HORMAD2: variants seen among roughly 807,000 people sequenced by gnomAD.
HORMAD2 encodes HORMA domain-containing protein 2.
Under a neutral mutation model 38.8 loss-of-function variants are expected in HORMAD2, and 45 were observed. The ratio of observed to expected loss-of-function variants is 1.16; its 90% CI spans 0.91 to 1.49. HORMAD2 has a LOEUF of 1.49. Ranked by LOEUF, HORMAD2 falls within the 40% of genes most tolerant of loss-of-function variation. HORMAD2 has a pLI of 0.00. For missense variants in HORMAD2, 338 were observed against 367.0 expected (o/e 0.92, Z 0.65); for synonymous variants, 126 against 122.8 (o/e 1.03, Z -0.17).
chr22:30,178,349 A>G (rs2123755327), downstream of HORMAD2, among the ~76,000 whole-genome samples: 2 of 152,308 alleles, frequency 1.3e-5, no homozygotes, highest in East Asian at 3.9e-4. Context: ...TATCACTGCC[A>G]GTAGGTGGAC....
the HORMAD2 span, among the ~76,000 whole-genome samples, chr22:30,193,419 A>G: frequency 6.6e-6 from 1 of 152,184 alleles, no homozygotes; most frequent in Non-Finnish European, 1.5e-5. Context: ...GACAGAAACA[A>G]ACACCAGAAA....
intron 10 of HORMAD2, among the ~76,000 whole-genome samples, chr22:30,122,716 C>A (rs1449671297): frequency 1.3e-5 from 2 of 152,098 alleles, no homozygotes; most frequent in Non-Finnish European, 1.5e-5. Context: ...TGGGGAAAGT[C>A]AGGGGGTTGG....
At chr22:30,197,488 T>G in the HORMAD2 span, among the ~76,000 whole-genome samples, 1 of 151,840 alleles carries the variant, frequency 6.6e-6, no homozygotes, top group Admixed American at 6.6e-5. Flanking sequence ...CCTTGTGGGC[T>G]CCCCCACATC....
intron 5 of HORMAD2, among the ~76,000 whole-genome samples, chr22:30,109,688 A>G (rs1002922031): frequency 1.4e-4 from 22 of 152,160 alleles, no homozygotes; most frequent in Admixed American, 5.9e-4. Flanking sequence ...CTATCTCTAT[A>G]TGTTACTCTT....
intron 7 of HORMAD2, among the ~76,000 whole-genome samples, chr22:30,117,214 A>G (rs1922107166): frequency 6.6e-6 from 1 of 152,250 alleles, no homozygotes; most frequent in African/African-American, 2.4e-5. Flanking sequence ...GGCTTAAAGT[A>G]ACAGAAACAC....
chr22:30,078,637 A>AAAAAAAAAAAAAAAAAAAAAAAC (rs2068417510), upstream of HORMAD2, among the ~76,000 whole-genome samples: 1 of 148,456 alleles, frequency 6.7e-6, no homozygotes, highest in African/African-American at 2.5e-5. Context: ...AAAAAAAAAA[A>AAAAAAAAAAAAAAAAAAAAAAAC]TTAGATTGAG....
intron 10 of HORMAD2, among the ~76,000 whole-genome samples, chr22:30,171,494 A>G (rs930570446): frequency 3.9e-5 from 6 of 152,062 alleles, no homozygotes; most frequent in Admixed American, 3.3e-4. Context: ...TGCCAAATAT[A>G]TCTCTCAATT....
chr22:30,163,620 G>A (rs1895066814), intron 10 of HORMAD2, among the ~76,000 whole-genome samples: 1 of 151,806 alleles, frequency 6.6e-6, no homozygotes, highest in African/African-American at 2.4e-5. Flanking sequence ...TAGAGATGAA[G>A]TTTCTCCATG....
At position 30,119,030 on chromosome 22, in the gene HORMAD2, C is replaced by T. The variant is rs770447951; in HGVS notation, c.393C>T (p.Ala131=). The T allele has an allele frequency of 6.3e-7, 1 of 1,585,940 alleles. No homozygotes were observed. Among genetic ancestry groups the T allele is most frequent in the South Asian group, 1.2e-5 (1 of 86,948 alleles). The part of the protein sequence containing the change: ...QFKFKYTKEG[A]TMDFDSHSSS... ...AATTCAAATACACGAAAGAAGGAGC[C>T]ACTATGGATTTTGACAGGTAGAATC... is the stretch of plus-strand genomic sequence containing the variant. Residue 131 remains alanine (A), a synonymous_variant, in exon 8 of 11, where the codon GCC becomes GCT. Transcript: ENST00000336726.
chr22:30,086,284 C>T (rs2068570138), intron 1 of HORMAD2, among the ~76,000 whole-genome samples: 1 of 152,070 alleles, frequency 6.6e-6, no homozygotes, highest in Non-Finnish European at 1.5e-5. Context: ...TCATTTAAAC[C>T]CCTTTCTTTA....
At chr22:30,110,190 C>A (rs1478200601) in intron 5 of HORMAD2, among the ~76,000 whole-genome samples, 1 of 151,940 alleles carries the variant, frequency 6.6e-6, no homozygotes, top group Non-Finnish European at 1.5e-5. Flanking sequence ...ACTCATTACA[C>A]ATTATATACA....
the HORMAD2 span, among the ~76,000 whole-genome samples, chr22:30,204,779 T>A: frequency 2.0e-5 from 3 of 152,264 alleles, no homozygotes; most frequent in East Asian, 5.8e-4. Flanking sequence ...AAAGGGAAAC[T>A]ACAAGAAAGT....
chr22:30,151,379 A>G lies in HORMAD2; in HGVS notation c.820-24684A>G, dbSNP rs118048612. The stretch of plus-strand genomic sequence containing the variant: ...ATATTTATAAAAACATAAATATGTC[A>G]AGAGTTAGTTTATAGGACAAGCAAT... On this transcript the variant is annotated intron_variant, in intron 10 of 10. Transcript: ENST00000336726. Among the ~76,000 whole-genome samples, 412 of 152,326 alleles carry G rather than the reference A, an allele frequency of 2.7e-3. 3 individuals carry two copies. The highest frequency in any genetic ancestry group is 9.4e-3 in the African/African-American group (392 of 41,574).
chr22:30,135,477 A>C (rs1299791499), intron 10 of HORMAD2, among the ~76,000 whole-genome samples: 1 of 152,002 alleles, frequency 6.6e-6, no homozygotes, highest in Non-Finnish European at 1.5e-5. Flanking sequence ...GGCAGTTGGA[A>C]ACAGAATATC....
At chr22:30,169,405 AT>A (rs1237346528) in intron 10 of HORMAD2, among the ~76,000 whole-genome samples, 2 of 152,240 alleles carry the variant, frequency 1.3e-5, no homozygotes, top group Admixed American at 6.5e-5. Flanking sequence ...AAGTTATATG[AT>A]GCCTTAGAGA....
intron 10 of HORMAD2, among the ~76,000 whole-genome samples, chr22:30,154,967 G>A (rs1383009413): frequency 6.6e-6 from 1 of 151,952 alleles, no homozygotes; most frequent in East Asian, 1.9e-4. Flanking sequence ...TTACTCCAGA[G>A]GCTGAGGCAA....
chr22:30,139,327 A>G (rs1030411794), intron 10 of HORMAD2, among the ~76,000 whole-genome samples: 2 of 146,228 alleles, frequency 1.4e-5, no homozygotes, highest in African/African-American at 5.0e-5. Context: ...ATATATATAA[A>G]TAACCTGTCT....
chr22:30,189,225 G>A, the HORMAD2 span, among the ~76,000 whole-genome samples: 1 of 152,116 alleles, frequency 6.6e-6, no homozygotes, highest in Non-Finnish European at 1.5e-5. Context: ...AGTCTTGGGG[G>A]AATGACAAGG....
intron 10 of HORMAD2, among the ~76,000 whole-genome samples, chr22:30,147,521 C>T (rs373276940): frequency 3.8e-4 from 57 of 151,846 alleles, no homozygotes; most frequent in African/African-American, 1.2e-3. Context: ...AACTTCTGGA[C>T]GGAAACATGG....
Sources: allele counts gnomAD v4.1 joint callset (sites outside exome capture counted in the v4.1 genomes callset), GRCh38; gene constraint gnomAD v4.1.1; transcripts MANE v1.5; gene names NCBI Gene and HGNC (gene_info 2026-07-23, HGNC 2026-07-21).